The following ZNF311 variants were observed in gnomAD, a reference collection of about 807,000 sequenced individuals.
The protein encoded by ZNF311 is zinc finger protein 311, also known as zinc finger protein zfp31.
Under a neutral mutation model 22.7 loss-of-function variants are expected in ZNF311, and 14 were observed. The ratio of observed to expected loss-of-function variants is 0.62; its 90% CI spans 0.41 to 0.96. The LOEUF is 0.96. Among genes scored for constraint, ZNF311 ranks in the 40% least tolerant of loss-of-function variants. ZNF311 has a pLI of 0.00. For synonymous variants in ZNF311, 250 were observed against 275.3 expected (o/e 0.91, Z 0.91); for missense variants, 731 against 799.0 (o/e 0.91, Z 1.03).
chr6:28,995,841 A>G lies in ZNF311; in HGVS notation c.1161T>C (p.Tyr387=). ...HGRIHTGEKP[Y]ECEECGKAFS... ...AGGCCTTCCCGCACTCCTCACATTC[A>G]TATGGCTTCTCCCCAGTGTGGATTC... is the stretch of plus-strand genomic sequence containing the variant. Residue 387 remains tyrosine, a synonymous_variant, in exon 7 of 7, where the codon TAT becomes TAC. Coordinates refer to ENST00000377179, the MANE Select transcript of ZNF311 (RefSeq NM_001382360.1). This position sits in a 1 kb window ranked among gnomAD's most constrained non-coding sequence, Gnocchi z 4.7. 1.9e-6 allele frequency: 3 copies of G among 1,612,560 alleles called. No homozygotes were observed. The highest frequency in any genetic ancestry group is 2.5e-6 in the Non-Finnish European group (3 of 1,179,540).
Position 28,995,844 on chromosome 6 carries a change from TG to T in ZNF311, c.1157del (p.Pro386HisfsTer21). The T allele has an allele frequency of 6.2e-7, 1 of 1,612,880 alleles. No individual in the cohort carries two copies. Among genetic ancestry groups the T allele is most frequent in the Non-Finnish European group, 8.5e-7 (1 of 1,179,642 alleles). On this transcript the variant is annotated frameshift_variant, in exon 7 of 7. Coordinates refer to ENST00000377179, the MANE Select transcript of ZNF311 (RefSeq NM_001382360.1). LOFTEE classifies it low-confidence loss of function (END_TRUNC). This position sits in a 1 kb window ranked among gnomAD's most constrained non-coding sequence, Gnocchi z 4.7. ...IHGRIHTGEK[P>X]YECEECGKAF... ...CCTTCCCGCACTCCTCACATTCATA[TG>T]GCTTCTCCCCAGTGTGGATTCTGCC...
intron 3 of ZNF311, 63 bp from the exon 4 acceptor site, chr6:29,000,110 C>A: frequency 1.4e-6 from 2 of 1,468,512 alleles, no homozygotes; most frequent in Non-Finnish European, 1.9e-6. Flanking sequence ...CTCCTGCATT[C>A]GTCTTCTCTT....
intron 2 of ZNF311, 44 bp downstream of exon 2, chr6:29,003,899 TCTC>T (rs765996201): frequency 1.6e-5 from 26 of 1,612,788 alleles, no homozygotes; most frequent in Admixed American, 5.0e-5. Context: ...TGGACTCACT[TCTC>T]CTTCTTCCTC....
intron 5 of ZNF311, among the ~76,000 whole-genome samples, chr6:28,999,057 G>A (rs1252629140): frequency 6.6e-6 from 1 of 151,172 alleles, no homozygotes; most frequent in Non-Finnish European, 1.5e-5. Context: ...GAAGTTCTGG[G>A]AAACAGTCAT....
Position 28,994,942 on chromosome 6 carries a change from G to C in ZNF311, c.*59C>G. The C allele has an allele frequency of 6.8e-7, 1 of 1,476,630 alleles. No homozygotes were observed. The highest frequency in any genetic ancestry group is 2.2e-4 in the Middle Eastern group (1 of 4,480). 91.5% of individuals were successfully genotyped at this position (1,476,630 alleles called of 1,614,324 possible). ...GAAATCAGGAATAACTAATATAAGA[G>C]ACAGAAGGACCAGCCTAAGAGGTAG... On this transcript the variant is annotated 3_prime_UTR_variant, in exon 7 of 7. Coordinates refer to ENST00000377179, the MANE Select transcript of ZNF311 (RefSeq NM_001382360.1).
chr6:29,001,886 G>A (rs1780492948), intron 3 of ZNF311, among the ~76,000 whole-genome samples: 1 of 152,136 alleles, frequency 6.6e-6, no homozygotes. Context: ...TTAACTGGAA[G>A]TTCAACATTT....
At position 28,999,592 on chromosome 6, in the gene ZNF311, C is replaced by T. The variant is rs752183880; in HGVS notation, c.205G>A (p.Val69Ile). 7.4e-6 allele frequency: 12 copies of T among 1,613,252 alleles called. No individual in the cohort carries two copies. The highest frequency in any genetic ancestry group is 1.0e-5 in the Non-Finnish European group (12 of 1,179,860). ...TCCCTGTTAGTGAAGTTCACAGCTA[C>T]ATCCTCAAATGTCACTGACTCCTGA... ...QAQESVTFEDVAVNFTNREWQ... is the reference protein window; with the variant it reads ...QAQESVTFEDIAVNFTNREWQ... The change falls in exon 5 of 7, where the codon GTA becomes ATA. Residue 69 changes from valine (V) to isoleucine (I), a missense_variant. Transcript: ENST00000377179.
intron 1 of ZNF311, 88 bp downstream of exon 1, chr6:29,004,920 T>C (rs1003291870): frequency 5.1e-4 from 77 of 152,222 alleles, no homozygotes; most frequent in Admixed American, 1.3e-4. Flanking sequence ...AGTGTTTTCT[T>C]ATAGGTCATC....
intron 6 of ZNF311, among the ~76,000 whole-genome samples, chr6:28,998,420 G>A (rs1207106842): frequency 1.3e-5 from 2 of 152,022 alleles, no homozygotes; most frequent in African/African-American, 4.8e-5. Flanking sequence ...TCAAACTCCC[G>A]ACCTCAGGTG....
intron 4 of ZNF311, 88 bp downstream of exon 4, chr6:28,999,868 T>C: frequency 1.4e-6 from 2 of 1,412,326 alleles, no homozygotes; most frequent in East Asian, 4.8e-5. Context: ...ATTTAGGAGT[T>C]GCACAGCCAG....
Position 28,996,503 on chromosome 6 carries a change from T to C in ZNF311, c.499A>G (p.Lys167Glu). Residue 167 changes from lysine to glutamate, a missense_variant, in exon 7 of 7, where the codon AAA (lysine) becomes GAA (glutamate). Physicochemically the swap from Lys to Glu is moderately conservative, Grantham distance 56. Coordinates refer to ENST00000377179, the MANE Select transcript of ZNF311 (RefSeq NM_001382360.1). ...IFENGEAYWM[K>E]FNSLLKVDSR... is the part of the protein sequence containing the mutation. Reference sequence around the variant, plus strand: ...TCAACTTTTAGGAGACTGTTAAATTTCATCCAGTAGGCTTCTCCATTTTCA... The same window carrying C: ...TCAACTTTTAGGAGACTGTTAAATTCCATCCAGTAGGCTTCTCCATTTTCA... 1 of 1,607,442 alleles carries C rather than the reference T, an allele frequency of 6.2e-7. No individual in the cohort carries two copies. Among genetic ancestry groups the C allele is most frequent in the Non-Finnish European group, 8.5e-7 (1 of 1,179,982 alleles).
intron 1 of ZNF311, 74 bp from the exon 2 acceptor site, chr6:29,004,288 C>T (rs960922065): frequency 8.2e-6 from 9 of 1,093,520 alleles, no homozygotes; most frequent in African/African-American, 4.8e-5. Context: ...ACCTGAGGCA[C>T]GAAGTCAAAC....
Position 28,996,332 on chromosome 6 carries a change from G to T in ZNF311, c.670C>A (p.Leu224Ile). The change falls in exon 7 of 7, where the codon CTT (leucine) becomes ATT (isoleucine). Residue 224 changes from leucine (L) to isoleucine (I), a missense_variant. Leu to Ile is a conservative substitution (Grantham distance 5, BLOSUM62 2). Coordinates refer to ENST00000377179, the MANE Select transcript of ZNF311 (RefSeq NM_001382360.1). The part of the protein sequence containing the change: ...TCKKGKNQKV[L>I]SKNLNPNSKH... Reference sequence around the variant, plus strand: ...GAGTTTGGATTCAAGTTTTTACTAAGCACTTTCTGGTTCTTTCCTTTTTTG... The same window carrying T: ...GAGTTTGGATTCAAGTTTTTACTAATCACTTTCTGGTTCTTTCCTTTTTTG... The T allele has an allele frequency of 6.2e-7, 1 of 1,612,722 alleles. No homozygotes were observed. Among genetic ancestry groups the T allele is most frequent in the Non-Finnish European group, 8.5e-7 (1 of 1,180,034 alleles).
intron 3 of ZNF311, among the ~76,000 whole-genome samples, chr6:29,002,271 C>G (rs1168409501): frequency 6.6e-6 from 1 of 152,182 alleles, no homozygotes; most frequent in Non-Finnish European, 1.5e-5. Flanking sequence ...AAATCCACCA[C>G]AGCAGATTTC....
intron 3 of ZNF311, 139 bp from the exon 4 acceptor site, chr6:29,000,186 C>A: frequency 1.4e-6 from 1 of 737,300 alleles, no homozygotes; most frequent in Non-Finnish European, 2.2e-6. Context: ...CAGTATCCTT[C>A]CTCTTCATTA....
At chr6:29,001,868 G>T (rs530562981) in intron 3 of ZNF311, among the ~76,000 whole-genome samples, 14 of 152,242 alleles carry the variant, frequency 9.2e-5, no homozygotes, top group Non-Finnish European at 1.8e-4. Flanking sequence ...AGTTTAACAT[G>T]TATATCATTA....
At position 28,996,011 on chromosome 6, in the gene ZNF311, G is replaced by A. The variant is rs1189341634; in HGVS notation, c.991C>T (p.His331Tyr). 2 of 1,613,484 alleles carry A rather than the reference G, an allele frequency of 1.2e-6. No individual in the cohort carries two copies. The highest frequency in any genetic ancestry group is 8.5e-7 in the Non-Finnish European group (1 of 1,179,998). Residue 331 changes from histidine to tyrosine, a missense_variant, in exon 7 of 7, where the codon CAC (histidine) becomes TAC (tyrosine). By Grantham distance (83) the His-to-Tyr change is moderately conservative. Transcript: ENST00000377179. ...HKKTHSGEKP[H>Y]ECRDCGKAFK... ...GCCTTCCCACAGTCCCTGCACTCGT[G>A]AGGCTTCTCCCCACTGTGGGTTTTT...
chr6:28,997,997 C>T (rs553920207), intron 6 of ZNF311, among the ~76,000 whole-genome samples: 85 of 152,162 alleles, frequency 5.6e-4, no homozygotes, highest in African/African-American at 2.0e-3. Context: ...TGAACCTCCC[C>T]AAAGCTATTC....
At position 28,996,153 on chromosome 6, in the gene ZNF311, T is replaced by C. The variant is rs964013405; in HGVS notation, c.849A>G (p.Ala283=). The C allele has an allele frequency of 1.2e-6, 2 of 1,613,114 alleles. No homozygotes were observed. Among genetic ancestry groups the C allele is most frequent in the African/African-American group, 2.7e-5 (2 of 74,820 alleles). Residue 283 remains alanine, a synonymous_variant, in exon 7 of 7, where the codon GCA becomes GCG. Coordinates refer to ENST00000377179, the MANE Select transcript of ZNF311 (RefSeq NM_001382360.1). ...TAGAAAGCTGATTTCTGGTCTTGAA[T>C]GCTTTCCCACACTCATTACACACAT... The part of the protein sequence containing the change: ...KPHVCNECGK[A]FKTRNQLSMH...
Sources: allele counts gnomAD v4.1 joint callset (sites outside exome capture counted in the v4.1 genomes callset), GRCh38; gene constraint gnomAD v4.1.1; non-coding constraint Gnocchi (gnomAD v3.1); transcripts MANE v1.5; gene names NCBI Gene and HGNC (gene_info 2026-07-23, HGNC 2026-07-21).